The following LUZP2 variants were observed in gnomAD, a reference collection of about 807,000 sequenced individuals.
LUZP2 encodes leucine zipper protein 2.
LUZP2 carries 52 observed loss-of-function variants against 51.6 expected under a neutral mutation model. That is an observed-to-expected ratio of 1.01 (90% CI 0.81 to 1.27). The LOEUF is 1.27. LUZP2 is among the 50% of genes most tolerant of loss of function. The pLI, the probability that LUZP2 is intolerant of heterozygous loss-of-function variation, is 0.00. For synonymous variants in LUZP2, 154 were observed against 137.3 expected (o/e 1.12, Z -0.85); for missense variants, 436 against 395.4 (o/e 1.10, Z -0.87).
At chr11:25,031,010 TA>T (rs1184624681) in intron 9 of LUZP2, among the ~76,000 whole-genome samples, 47 of 4,168 alleles carry the variant, frequency 0.011, 2 homozygotes, top group African/African-American at 0.039. Context: ...TATATATATA[TA>T]TATATTTTTT....
chr11:24,579,471 C>T (rs1170815239), intron 1 of LUZP2, among the ~76,000 whole-genome samples: 2 of 152,046 alleles, frequency 1.3e-5, no homozygotes, highest in African/African-American at 4.8e-5. Flanking sequence ...AGCATAGAAG[C>T]CCACCTCTGC....
At chr11:24,854,685 AAC>A (rs1851501725) in intron 5 of LUZP2, among the ~76,000 whole-genome samples, 1 of 129,136 alleles carries the variant, frequency 7.7e-6, no homozygotes, top group Non-Finnish European at 1.7e-5. Context: ...AAAAAAAAAA[AAC>A]TCCTGCAGCT....
intron 1 of LUZP2, among the ~76,000 whole-genome samples, chr11:24,668,673 A>G (rs1235566396): frequency 3.3e-5 from 5 of 152,176 alleles, no homozygotes; most frequent in Non-Finnish European, 5.9e-5. Context: ...ACAAAGGAAC[A>G]TGCTTTTTTC....
chr11:24,584,378 TTTTA>T (rs1393222373), intron 1 of LUZP2, among the ~76,000 whole-genome samples: 10 of 152,228 alleles, frequency 6.6e-5, no homozygotes, highest in Non-Finnish European at 1.5e-4. Flanking sequence ...AAGTTGTTCT[TTTTA>T]TTTAATTATG....
At chr11:24,699,128 C>CACACAT (rs779129609) in intron 1 of LUZP2, among the ~76,000 whole-genome samples, 1 of 146,306 alleles carries the variant, frequency 6.8e-6, no homozygotes, top group Non-Finnish European at 1.5e-5. Context: ...CACACACACA[C>CACACAT]GAAACAATAA....
intron 5 of LUZP2, among the ~76,000 whole-genome samples, chr11:24,847,528 A>T (rs1344888725): frequency 6.6e-6 from 1 of 152,162 alleles, no homozygotes; most frequent in African/African-American, 2.4e-5. Flanking sequence ...TACTGGAGGC[A>T]CATTATGTAG....
intron 1 of LUZP2, among the ~76,000 whole-genome samples, chr11:24,508,729 C>G (rs1850213673): frequency 6.6e-6 from 1 of 152,116 alleles, no homozygotes; most frequent in Non-Finnish European, 1.5e-5. Flanking sequence ...CTAAAGGTTA[C>G]TGCTTGTTTT....
At chr11:24,638,735 A>T (rs1855186132) in intron 1 of LUZP2, among the ~76,000 whole-genome samples, 1 of 151,664 alleles carries the variant, frequency 6.6e-6, no homozygotes, top group Non-Finnish European at 1.5e-5. Context: ...AAAATAATTT[A>T]AAAATAGGAA....
At chr11:24,720,019 T>G (rs1168750227) in intron 1 of LUZP2, among the ~76,000 whole-genome samples, 2 of 152,206 alleles carry the variant, frequency 1.3e-5, no homozygotes, top group African/African-American at 4.8e-5. Context: ...ACAGAATCAT[T>G]AAGTAAATAA....
intron 5 of LUZP2, among the ~76,000 whole-genome samples, chr11:24,864,400 TG>T (rs1851826423): frequency 6.6e-6 from 1 of 152,200 alleles, no homozygotes. Flanking sequence ...TGTTTATAAT[TG>T]TGGCAAAACA....
At chr11:25,007,153 G>A (rs558990577) in intron 9 of LUZP2, among the ~76,000 whole-genome samples, 1 of 152,228 alleles carries the variant, frequency 6.6e-6, no homozygotes, top group South Asian at 2.1e-4. Context: ...AGCACTGATT[G>A]GTGCATTTAC....
intron 1 of LUZP2, among the ~76,000 whole-genome samples, chr11:24,505,772 C>G (rs925674129): frequency 6.6e-6 from 1 of 151,856 alleles, no homozygotes; most frequent in African/African-American, 2.4e-5. Flanking sequence ...ATTATCTTAA[C>G]CAATTCCAGT....
At chr11:24,525,059 A>G (rs1382337847) in intron 1 of LUZP2, among the ~76,000 whole-genome samples, 2 of 151,642 alleles carry the variant, frequency 1.3e-5, no homozygotes, top group Non-Finnish European at 1.5e-5. Flanking sequence ...GTTCAGGACT[A>G]TGATTCTCCA....
chr11:25,001,418 C>T (rs1856678135), intron 9 of LUZP2, among the ~76,000 whole-genome samples: 1 of 152,086 alleles, frequency 6.6e-6, no homozygotes, highest in South Asian at 2.1e-4. Flanking sequence ...AAGGGAGTTC[C>T]TCCTAGATTT....
At chr11:24,762,871 C>G (rs1177180474) in intron 4 of LUZP2, 1 of 405,914 alleles carries the variant, frequency 2.5e-6, no homozygotes, top group East Asian at 1.6e-4. Context: ...GTCATAATTA[C>G]CTGGAGTGTT....
chr11:24,945,671 CA>C (rs1414643091), intron 7 of LUZP2, among the ~76,000 whole-genome samples: 1 of 152,046 alleles, frequency 6.6e-6, no homozygotes, highest in Non-Finnish European at 1.5e-5. Flanking sequence ...CAGCACTGAA[CA>C]TTGGATAATA....
chr11:24,931,080 G>T (rs191368247), intron 7 of LUZP2, among the ~76,000 whole-genome samples: 1 of 151,720 alleles, frequency 6.6e-6, no homozygotes, highest in Non-Finnish European at 1.5e-5. Flanking sequence ...GCATGGTGGC[G>T]CGTGCCTGTA....
At position 24,925,960 on chromosome 11, in the gene LUZP2, T is replaced by C. The variant is rs903730331; in HGVS notation, c.522+11422T>C. On this transcript the variant is annotated intron_variant, in intron 7 of 11. Transcript: ENST00000336930. ...TCTTATGCATTTGCATCCTCCTAGC[T>C]TAGCTCCCACTTATGAGAGAATATA... 6.6e-5 allele frequency among the ~76,000 whole-genome samples: 10 copies of C among 152,092 alleles called. No homozygotes were observed. The South Asian group carries it at 2.1e-3, about 32-fold the overall frequency.
Position 24,732,105 on chromosome 11 carries a change from C to T in LUZP2, c.181-13C>T, listed in dbSNP as rs752539034. On this transcript the variant is annotated splice_polypyrimidine_tract_variant and intron_variant, in intron 2 of 11. Transcript: ENST00000336930. The stretch of plus-strand genomic sequence containing the variant: ...ACCTGAATAAAACTTCATTTTTCCA[C>T]TTTTCTTATCAGTCCTTAAAAAACG... The T allele has an allele frequency of 4.5e-5, 72 of 1,598,364 alleles. No individual in the cohort carries two copies. Among genetic ancestry groups the T allele is most frequent in the Admixed American group, 6.8e-5 (4 of 58,492 alleles).
Sources: gnomAD v4.1 joint callset for allele counts (sites outside exome capture counted in the v4.1 genomes callset) on GRCh38, gnomAD v4.1.1 for gene constraint, MANE v1.5 for transcripts, NCBI Gene and HGNC (gene_info 2026-07-23, HGNC 2026-07-21) for gene names.